Variants in EPHX2 observed in about 807,000 individuals in gnomAD.
The protein encoded by EPHX2 is epoxide hydrolase 2, also known as bifunctional epoxide hydrolase 2.
Under a neutral mutation model 78.7 loss-of-function variants are expected in EPHX2, and 74 were observed. That is an observed-to-expected ratio of 0.94 (90% CI 0.78 to 1.14). EPHX2 has a LOEUF of 1.14. Among genes scored for constraint, EPHX2 ranks in the 50% most tolerant of loss-of-function variants. The pLI is 0.00. For synonymous variants in EPHX2, 251 were observed against 255.2 expected, an observed-to-expected ratio of 0.98 and a Z score of 0.16; for missense variants, 715 against 702.5, an observed-to-expected ratio of 1.02 and a Z score of -0.20.
At chr8:27,525,068 C>CTG (rs56963159) in intron 11 of EPHX2, among the ~76,000 whole-genome samples, 7,310 of 131,108 alleles carry the variant, frequency 0.056, 338 homozygotes, top group East Asian at 0.19. Context: ...AGTATGTGTA[C>CTG]TGTGTGTGTG....
intron 2 of EPHX2, among the ~76,000 whole-genome samples, chr8:27,501,387 C>CTTCTTCTTCTTCTTCTTCTTCTTCT (rs1554519566): frequency 8.9e-5 from 6 of 67,534 alleles, no homozygotes; most frequent in Non-Finnish European, 1.8e-4. Context: ...TCTTCTTCTT[C>CTTCTTCTTCTTCTTCTTCTTCTTCT]TTCTTCTTTC....
At chr8:27,516,146 A>G (rs560412710) in intron 7 of EPHX2, among the ~76,000 whole-genome samples, 174 bp from the exon 8 acceptor site, 8 of 152,328 alleles carry the variant, frequency 5.3e-5, no homozygotes, top group Non-Finnish European at 1.2e-4. Context: ...ACCACCGTCC[A>G]CAGCAGCCCT....
chr8:27,512,990 C>A (rs909696884), intron 6 of EPHX2, among the ~76,000 whole-genome samples: 3 of 152,102 alleles, frequency 2.0e-5, no homozygotes, highest in African/African-American at 4.8e-5. Context: ...ACCTTGGAGA[C>A]CTTGGGGACC....
chr8:27,507,816 C>T (rs1814072253), intron 5 of EPHX2, among the ~76,000 whole-genome samples: 2 of 152,218 alleles, frequency 1.3e-5, no homozygotes, highest in African/African-American at 4.8e-5. Flanking sequence ...AGAAGCCTCT[C>T]TCCTTGGCTT....
intron 9 of EPHX2, among the ~76,000 whole-genome samples, chr8:27,520,324 C>G (rs139896726): frequency 6.6e-6 from 1 of 151,586 alleles, no homozygotes; most frequent in African/African-American, 2.4e-5. Context: ...GGCCACCGTG[C>G]CCAGCTAATT....
chr8:27,516,528 C>A, intron 8 of EPHX2, 130 bp downstream of exon 8: 1 of 822,134 alleles, frequency 1.2e-6, no homozygotes, highest in South Asian at 1.6e-5. Flanking sequence ...GACTTCACCT[C>A]TTTCCTCTCC....
intron 16 of EPHX2, 70 bp downstream of exon 16, chr8:27,541,612 A>T (rs1815405196): frequency 6.5e-7 from 1 of 1,533,686 alleles, no homozygotes; most frequent in Non-Finnish European, 9.0e-7. Context: ...CATTGGCCTG[A>T]GCTGATATGA....
chr8:27,515,622 G>A (rs34335290), intron 6 of EPHX2, 96 bp from the exon 7 acceptor site: 32 of 976,490 alleles, frequency 3.3e-5, no homozygotes, highest in South Asian at 4.3e-5. Context: ...ATCCAGCAAC[G>A]GACTGAAACG....
At chr8:27,511,681 G>A (rs1814253616) in intron 5 of EPHX2, among the ~76,000 whole-genome samples, 155 bp from the exon 6 acceptor site, 1 of 152,194 alleles carries the variant, frequency 6.6e-6, no homozygotes, top group Non-Finnish European at 1.5e-5. Flanking sequence ...GGCTGTGCTG[G>A]CAGGAGAGGG....
chr8:27,516,509 A>G, intron 8 of EPHX2, 111 bp downstream of exon 8: 1 of 1,015,538 alleles, frequency 9.8e-7, no homozygotes, highest in Non-Finnish European at 1.5e-6. Context: ...CTTCCCCTTA[A>G]GAGAGTCTGA....
intron 6 of EPHX2, among the ~76,000 whole-genome samples, chr8:27,514,440 G>A (rs973977315): frequency 8.5e-5 from 13 of 152,182 alleles, no homozygotes; most frequent in Non-Finnish European, 1.8e-4. Flanking sequence ...CTTTAGGATC[G>A]TGGAGATATG....
chr8:27,513,320 G>T (rs1814323728), intron 6 of EPHX2, among the ~76,000 whole-genome samples: 1 of 152,190 alleles, frequency 6.6e-6, no homozygotes, highest in African/African-American at 2.4e-5. Context: ...TTTAATCAGG[G>T]CCTTCTGGTC....
In EPHX2 at chr8:27,498,660, A is replaced by G. The variant is rs1438294900; in HGVS notation, c.102-2266A>G. On this transcript the variant is annotated intron_variant, in intron 1 of 18. Transcript: ENST00000521400. ...TATTTTTCCACTTTTGCATCACAGC[A>G]CATAGCACAATGCCTCACATACCTA... is the stretch of plus-strand genomic sequence containing the variant. Among the ~76,000 whole-genome samples, 3 of 152,142 alleles carry G rather than the reference A, an allele frequency of 2.0e-5. No homozygotes were observed. The East Asian group carries it at 5.8e-4, about 29-fold the overall frequency.
intron 4 of EPHX2, 51 bp from the exon 5 acceptor site, chr8:27,506,821 G>A: frequency 6.3e-7 from 1 of 1,590,860 alleles, no homozygotes; most frequent in East Asian, 2.2e-5. Flanking sequence ...GCCCCTGTTT[G>A]CATTCTGGTG....
chr8:27,493,640 G>A (rs780274156), intron 1 of EPHX2, among the ~76,000 whole-genome samples: 3 of 152,204 alleles, frequency 2.0e-5, no homozygotes, highest in Non-Finnish European at 4.4e-5. Flanking sequence ...GATAGGGTCT[G>A]ATTTCCTGTG....
Position 27,538,255 on chromosome 8 carries a change from A to T in EPHX2, c.1243-404A>T, listed in dbSNP as rs1815275879. Among the ~76,000 whole-genome samples, 3 of 152,200 alleles carry T rather than the reference A, an allele frequency of 2.0e-5. No homozygotes were observed. In the South Asian group the frequency reaches 6.2e-4, roughly 31 times the overall value. On this transcript the variant is annotated intron_variant, in intron 13 of 18. Coordinates refer to ENST00000521400, the MANE Select transcript of EPHX2 (RefSeq NM_001979.6). ...TAATCAATTTTTTCACTGAGGGTAT[A>T]GCATGTCAGAGACCCCAGATTTACT...
chr8:27,534,421 C>A (rs1485090422), intron 12 of EPHX2, among the ~76,000 whole-genome samples: 2 of 152,162 alleles, frequency 1.3e-5, no homozygotes, highest in Non-Finnish European at 2.9e-5. Context: ...GAGGCCGAGG[C>A]AGGCGGATCA....
At chr8:27,545,674 G>A (rs961083958), downstream of EPHX2, 11 of 152,418 alleles carry the variant, frequency 7.2e-5, no homozygotes, top group African/African-American at 2.4e-4. Flanking sequence ...CATAGGCTGG[G>A]TTCCGAGCCC....
At chr8:27,512,048 T>G (rs1397776941) in intron 6 of EPHX2, 138 bp downstream of exon 6, 4 of 771,492 alleles carry the variant, frequency 5.2e-6, no homozygotes, top group Non-Finnish European at 8.8e-6. Context: ...CAGTGAGCTG[T>G]GATCACACCA....
Sources: gnomAD v4.1 joint callset for allele counts (sites outside exome capture counted in the v4.1 genomes callset) on GRCh38, gnomAD v4.1.1 for gene constraint, MANE v1.5 for transcripts, NCBI Gene and HGNC (gene_info 2026-07-23, HGNC 2026-07-21) for gene names.